Variants in ZNF469 observed in about 807,000 individuals in gnomAD.
The protein encoded by ZNF469 is zinc finger protein 469.
Under a neutral mutation model 1.0 loss-of-function variants are expected in ZNF469, and 1 was observed. The ratio of observed to expected loss-of-function variants is 1.00; its 90% CI spans 0.35 to 4.73. The LOEUF (loss-of-function observed/expected upper bound fraction) is 4.73, where lower values mean the gene tolerates loss of function less well. Among genes scored for constraint, ZNF469 ranks in the 30% most tolerant of loss-of-function variants. The pLI is 0.16. For missense variants in ZNF469, 6,100 were observed against 5,356.3 expected, an observed-to-expected ratio of 1.14 and a Z score of -4.33; for synonymous variants, 2,703 against 2,363.4, an observed-to-expected ratio of 1.14 and a Z score of -4.17.
the ZNF469 span, among the ~76,000 whole-genome samples, chr16:88,360,064 C>G: frequency 6.6e-6 from 1 of 152,152 alleles, no homozygotes; most frequent in Non-Finnish European, 1.5e-5. Context: ...ATCATGTTGG[C>G]CAGGCTGTTC....
chr16:88,300,920 C>T, the ZNF469 span, among the ~76,000 whole-genome samples: 2 of 151,994 alleles, frequency 1.3e-5, no homozygotes, highest in Non-Finnish European at 2.9e-5. Flanking sequence ...CACAAATTAG[C>T]CAATCGTGGG....
the ZNF469 span, among the ~76,000 whole-genome samples, chr16:88,159,614 A>G: frequency 1.3e-5 from 2 of 152,288 alleles, no homozygotes; most frequent in East Asian, 3.9e-4. Context: ...TGAAGCAAAA[A>G]CAACAGCTGA....
chr16:88,112,531 T>C, the ZNF469 span, among the ~76,000 whole-genome samples: 1 of 152,054 alleles, frequency 6.6e-6, no homozygotes, highest in African/African-American at 2.4e-5. Flanking sequence ...TCTCTGACGA[T>C]CAATGATGCT....
chr16:88,382,367 T>C (rs1173222603), upstream of ZNF469, among the ~76,000 whole-genome samples: 1 of 152,222 alleles, frequency 6.6e-6, no homozygotes, highest in African/African-American at 2.4e-5. Context: ...GGGGCCTGGA[T>C]GGCTCCTAGC....
At chr16:88,396,445 T>C (rs1318135130) in intron 1 of ZNF469, among the ~76,000 whole-genome samples, 108 of 108,520 alleles carry the variant, frequency 1.0e-3, no homozygotes, top group South Asian at 2.0e-3. Flanking sequence ...AGGAGACCCT[T>C]ATGAAGGGAG....
chr16:88,133,303 C>T, the ZNF469 span, among the ~76,000 whole-genome samples: 1 of 152,254 alleles, frequency 6.6e-6, no homozygotes, highest in African/African-American at 2.4e-5. Flanking sequence ...TGCTGGCGAT[C>T]CCGCACATTC....
the ZNF469 span, among the ~76,000 whole-genome samples, chr16:88,376,227 G>A: frequency 6.6e-6 from 1 of 152,236 alleles, no homozygotes; most frequent in South Asian, 2.1e-4. Context: ...GGCCTTTCTC[G>A]CAGGCTCTGG....
At chr16:88,296,476 C>G in the ZNF469 span, among the ~76,000 whole-genome samples, 1 of 147,526 alleles carries the variant, frequency 6.8e-6, no homozygotes, top group Non-Finnish European at 1.5e-5. Flanking sequence ...ACACAGTGCA[C>G]AAACACACAT....
chr16:88,272,723 T>G, the ZNF469 span, among the ~76,000 whole-genome samples: 10 of 150,498 alleles, frequency 6.6e-5, no homozygotes, highest in Admixed American at 6.6e-4. Flanking sequence ...GGTGTATGGA[T>G]AGACGAGTGG....
Position 88,437,053 on chromosome 16 carries a change from C to T in ZNF469, c.9583C>T (p.Arg3195Cys), listed in dbSNP as rs774273165. The T allele has an allele frequency of 7.1e-5, 109 of 1,537,126 alleles. No homozygotes were observed. The highest frequency in any genetic ancestry group is 1.2e-5 in the Non-Finnish European group (14 of 1,143,398). ...CGTCTGGATGTACAACGAGCACCTG[C>T]GTGAGCACGCGGTCCGCTTCGCCCG... ...ADVWMYNEHL[R>C]EHAVRFARRG... is the part of the protein sequence containing the mutation. The change falls in exon 3 of 3, where the codon CGT (arginine) becomes TGT (cysteine). Residue 3195 changes from arginine (R) to cysteine (C), a missense_variant. Physicochemically the swap from Arg to Cys is radical, Grantham distance 180 (BLOSUM62 -3). Transcript: ENST00000565624.
the ZNF469 span, among the ~76,000 whole-genome samples, chr16:88,199,776 C>T: frequency 6.6e-6 from 1 of 152,216 alleles, no homozygotes; most frequent in Non-Finnish European, 1.5e-5. Context: ...CCAGCACTCT[C>T]TGTGTGGCTC....
chr16:88,369,438 T>C, the ZNF469 span, among the ~76,000 whole-genome samples: 3 of 152,154 alleles, frequency 2.0e-5, no homozygotes, highest in African/African-American at 7.2e-5. Flanking sequence ...TGTGGCCTTC[T>C]CTCCCCACTT....
chr16:88,392,044 G>A (rs956062029), intron 1 of ZNF469, among the ~76,000 whole-genome samples: 10 of 152,128 alleles, frequency 6.6e-5, no homozygotes, highest in African/African-American at 2.4e-4. Flanking sequence ...TCTTATGCAG[G>A]CTACAAACTC....
chr16:88,123,572 G>C, the ZNF469 span, among the ~76,000 whole-genome samples: 1 of 152,164 alleles, frequency 6.6e-6, no homozygotes, highest in East Asian at 1.9e-4. Context: ...TCTTGGGTGA[G>C]GGCCTAGGAG....
At chr16:88,133,764 C>G in the ZNF469 span, among the ~76,000 whole-genome samples, 8 of 151,978 alleles carry the variant, frequency 5.3e-5, no homozygotes, top group African/African-American at 1.9e-4. Context: ...TTGGAAATAC[C>G]TCGACCTGGC....
At chr16:88,198,385 G>T in the ZNF469 span, among the ~76,000 whole-genome samples, 1 of 152,178 alleles carries the variant, frequency 6.6e-6, no homozygotes, top group Non-Finnish European at 1.5e-5. Context: ...AGCCTCCTCC[G>T]GTGGGGGGCT....
At chr16:88,242,821 T>C in the ZNF469 span, among the ~76,000 whole-genome samples, 1 of 152,202 alleles carries the variant, frequency 6.6e-6, no homozygotes, top group Non-Finnish European at 1.5e-5. Context: ...ATTCCTGTCA[T>C]GGAGGGGAAA....
chr16:88,371,158 C>T, the ZNF469 span, among the ~76,000 whole-genome samples: 1 of 152,252 alleles, frequency 6.6e-6, no homozygotes, highest in Non-Finnish European at 1.5e-5. Flanking sequence ...CTGGCTGTTA[C>T]ACAGCAAAGC....
chr16:88,369,042 G>A, the ZNF469 span, among the ~76,000 whole-genome samples: 3 of 151,332 alleles, frequency 2.0e-5, no homozygotes, highest in Non-Finnish European at 4.4e-5. Context: ...TTGCACCACT[G>A]CACTACATTC....
Sources: gnomAD v4.1 joint callset for allele counts (sites outside exome capture counted in the v4.1 genomes callset) on GRCh38, gnomAD v4.1.1 for gene constraint, MANE v1.5 for transcripts, NCBI Gene and HGNC (gene_info 2026-07-23, HGNC 2026-07-21) for gene names.